Variants in ARHGAP42 observed in about 807,000 individuals in gnomAD.
ARHGAP42 encodes the protein Rho GTPase activating protein 42.
A neutral mutation model predicts 125.0 loss-of-function variants in ARHGAP42; 63 were observed. The ratio of observed to expected loss-of-function variants is 0.50; its 90% confidence interval spans 0.41 to 0.62. The LOEUF (loss-of-function observed/expected upper bound fraction) is 0.62, where lower values mean the gene tolerates loss of function less well. ARHGAP42 is among the 20% of genes least tolerant of loss of function. The pLI is 0.00. For synonymous variants in ARHGAP42, 339 were observed against 351.0 expected (o/e 0.97, Z 0.38); for missense variants, 766 against 1,024.2 (o/e 0.75, Z 3.44).
chr11:100,838,504 C>T (rs550798950), intron 3 of ARHGAP42, among the ~76,000 whole-genome samples: 1 of 151,798 alleles, frequency 6.6e-6, no homozygotes, highest in Non-Finnish European at 1.5e-5. Flanking sequence ...CCCAGTAATT[C>T]AAAACTAGCC....
chr11:100,861,055 G>A (rs1306332679), intron 4 of ARHGAP42, among the ~76,000 whole-genome samples: 1 of 152,110 alleles, frequency 6.6e-6, no homozygotes, highest in Non-Finnish European at 1.5e-5. Flanking sequence ...TGGGGATTGC[G>A]ATGCAAAAGT....
At chr11:100,761,478 C>G (rs1483833950) in intron 1 of ARHGAP42, among the ~76,000 whole-genome samples, 2 of 152,222 alleles carry the variant, frequency 1.3e-5, no homozygotes, top group East Asian at 3.9e-4. Flanking sequence ...CTGTTTTTAA[C>G]TTGGGTTGTA....
At chr11:100,751,598 A>G (rs7117515) in intron 1 of ARHGAP42, among the ~76,000 whole-genome samples, 38,280 of 151,278 alleles carry the variant, frequency 0.25, 5,068 homozygotes, top group Non-Finnish European at 0.29. Flanking sequence ...TGGTGGATGG[A>G]GGTCCCAGCC....
chr11:100,932,830 G>C (rs892754060), intron 6 of ARHGAP42, among the ~76,000 whole-genome samples: 28 of 152,118 alleles, frequency 1.8e-4, no homozygotes, highest in African/African-American at 6.5e-4. Context: ...GTTCTTCCAG[G>C]GTGGGATCTA....
intron 22 of ARHGAP42, among the ~76,000 whole-genome samples, chr11:100,984,051 A>G (rs1302972812): frequency 6.6e-6 from 1 of 151,866 alleles, no homozygotes; most frequent in East Asian, 1.9e-4. Context: ...CCGGAAGTCG[A>G]GACTGCAGTG....
chr11:100,971,748 A>G (rs1858252987), intron 17 of ARHGAP42, among the ~76,000 whole-genome samples: 1 of 152,190 alleles, frequency 6.6e-6, no homozygotes, highest in African/African-American at 2.4e-5. Flanking sequence ...TTCAGGGATA[A>G]TATTATCTTG....
intron 1 of ARHGAP42, among the ~76,000 whole-genome samples, chr11:100,736,280 G>A (rs17644949): frequency 0.026 from 3,964 of 151,246 alleles, 67 homozygotes; most frequent in Non-Finnish European, 0.031. Context: ...TTACATCTCC[G>A]TTTTCCACAG....
At chr11:100,765,466 G>A (rs896033338) in intron 1 of ARHGAP42, among the ~76,000 whole-genome samples, 1 of 152,122 alleles carries the variant, frequency 6.6e-6, no homozygotes, top group African/African-American at 2.4e-5. Context: ...TAACTTATCT[G>A]TGCCTCAGTT....
At chr11:100,779,518 A>G (rs1863227487) in intron 2 of ARHGAP42, among the ~76,000 whole-genome samples, 1 of 142,668 alleles carries the variant, frequency 7.0e-6, no homozygotes, top group Non-Finnish European at 1.5e-5. Flanking sequence ...GTATATATAT[A>G]CGTATACATG....
chr11:100,942,684 T>C (rs2135273715), intron 9 of ARHGAP42, among the ~76,000 whole-genome samples: 1 of 152,268 alleles, frequency 6.6e-6, no homozygotes, highest in Admixed American at 6.5e-5. Flanking sequence ...CAGAGGTAAA[T>C]GTTGATCTAA....
At chr11:100,962,495 TA>T in intron 16 of ARHGAP42, 28 bp downstream of exon 16, 2 of 1,506,356 alleles carry the variant, frequency 1.3e-6, no homozygotes, top group Non-Finnish European at 1.8e-6. Context: ...ATATACACAT[TA>T]TAATTGATGT....
chr11:100,874,714 G>A (rs61890817), intron 4 of ARHGAP42, among the ~76,000 whole-genome samples: 10,747 of 152,088 alleles, frequency 0.071, 534 homozygotes, highest in East Asian at 0.25. Context: ...TTATTTTTGT[G>A]CCAGATTAGT....
intron 22 of ARHGAP42, among the ~76,000 whole-genome samples, chr11:100,983,215 T>A (rs543611974): frequency 1.2e-4 from 19 of 152,282 alleles, no homozygotes; most frequent in Non-Finnish European, 4.4e-5. Flanking sequence ...TATTGGAAAT[T>A]CAAACATAAC....
At chr11:100,806,984 A>G (rs1422495859) in intron 3 of ARHGAP42, among the ~76,000 whole-genome samples, 1 of 151,818 alleles carries the variant, frequency 6.6e-6, no homozygotes, top group Non-Finnish European at 1.5e-5. Flanking sequence ...AGTAGCTGCC[A>G]TTATAGCTGC....
intron 17 of ARHGAP42, among the ~76,000 whole-genome samples, chr11:100,970,077 C>T (rs909636404): frequency 6.6e-6 from 1 of 152,042 alleles, no homozygotes; most frequent in African/African-American, 2.4e-5. Flanking sequence ...CAACCTCTGC[C>T]TCTCGGGTTC....
At chr11:100,712,219 AT>A in intron 1 of ARHGAP42, among the ~76,000 whole-genome samples, 1 of 152,314 alleles carries the variant, frequency 6.6e-6, no homozygotes, top group East Asian at 1.9e-4. Context: ...TCGCTGCAGT[AT>A]TGCATGCAGT....
intron 1 of ARHGAP42, among the ~76,000 whole-genome samples, chr11:100,749,283 A>C (rs1862382819): frequency 6.6e-6 from 1 of 150,726 alleles, no homozygotes; most frequent in Admixed American, 6.6e-5. Flanking sequence ...CTCTCAAACA[A>C]GGGATGTCTT....
intron 1 of ARHGAP42, among the ~76,000 whole-genome samples, chr11:100,714,464 T>G (rs1274737322): frequency 2.6e-5 from 4 of 151,896 alleles, no homozygotes; most frequent in Non-Finnish European, 5.9e-5. Flanking sequence ...CCATTCCCAC[T>G]AACCCTAACT....
At chr11:100,709,990 A>G (rs952761215) in intron 1 of ARHGAP42, among the ~76,000 whole-genome samples, 1 of 152,158 alleles carries the variant, frequency 6.6e-6, no homozygotes. Context: ...ATATTCTTCT[A>G]TTGCACTTGG....
Sources: gnomAD v4.1 joint callset for allele counts (sites outside exome capture counted in the v4.1 genomes callset) on GRCh38, gnomAD v4.1.1 for gene constraint, MANE v1.5 for transcripts, NCBI Gene and HGNC (gene_info 2026-07-23, HGNC 2026-07-21) for gene names.